EPHA2: variants seen among roughly 807,000 people sequenced by gnomAD.
EPHA2 encodes the protein ephrin type-A receptor 2.
In EPHA2, 54 loss-of-function variants were observed where a neutral mutation model predicts 104.9. The observed-to-expected ratio is 0.51, with a 90% CI of 0.41 to 0.65. The LOEUF (loss-of-function observed/expected upper bound fraction) is 0.65, where lower values mean the gene tolerates loss of function less well. EPHA2 is among the 30% of genes least tolerant of loss of function. EPHA2 has a pLI of 0.00. For synonymous variants in EPHA2, 560 were observed against 559.1 expected (o/e 1.00, Z -0.02); for missense variants, 1,117 against 1,369.5 (o/e 0.82, Z 2.91).
Position 16,125,508 on chromosome 1 carries a change from G to A in EPHA2, c.2826-188C>T, listed in dbSNP as rs1414001045. ...TGGTTAGGTAGGCCTGGGAGAAGGAGCCACAGCCTAGAAGCTTGCCAAGGT... is the reference window on the plus strand; with the variant it reads ...TGGTTAGGTAGGCCTGGGAGAAGGAACCACAGCCTAGAAGCTTGCCAAGGT... On this transcript the variant is annotated intron_variant, in intron 16 of 16. Coordinates refer to ENST00000358432, the MANE Select transcript of EPHA2 (RefSeq NM_004431.5). This position sits in a 1 kb window ranked among gnomAD's most constrained non-coding sequence, Gnocchi z 4.9. Among the ~76,000 whole-genome samples the A allele has an allele frequency of 6.6e-6, 1 of 151,992 alleles. No individual in the cohort carries two copies. Among genetic ancestry groups the A allele is most frequent in the Non-Finnish European group, 1.5e-5 (1 of 67,980 alleles).
intron 3 of EPHA2, among the ~76,000 whole-genome samples, chr1:16,145,246 C>T (rs535109803): frequency 5.4e-4 from 83 of 152,300 alleles, no homozygotes; most frequent in African/African-American, 1.8e-3. Flanking sequence ...GCGGTCAGCC[C>T]GAGCGACTCC....
chr1:16,137,732 G>A, intron 5 of EPHA2, 121 bp downstream of exon 5: 2 of 1,217,010 alleles, frequency 1.6e-6, no homozygotes, highest in Non-Finnish European at 2.3e-6. Context: ...TCTAGACACT[G>A]TGCCTTTAAC....
In EPHA2 at chr1:16,137,858, T is replaced by C. The variant is rs1405892230; in HGVS notation, c.1307A>G (p.Gln436Arg). The stretch of plus-strand genomic sequence containing the variant: ...CTGCCACCCCTGGACCTCACCTGTC[T>C]GGTTGATGCTGACACTGGCAGTACG... ...SFRTASVSINQTEPPKVRLEG... is the reference protein window; with the variant it reads ...SFRTASVSINRTEPPKVRLEG... The change falls in exon 5 of 17, where the codon CAG (glutamine) becomes CGG (arginine). Residue 436 changes from glutamine (Q) to arginine (R), a missense_variant. Gln to Arg is a conservative substitution (Grantham distance 43). Coordinates refer to ENST00000358432, the MANE Select transcript of EPHA2 (RefSeq NM_004431.5). The C allele has an allele frequency of 1.2e-6, 2 of 1,613,622 alleles. No homozygotes were observed. The highest frequency in any genetic ancestry group is 1.3e-5 in the African/African-American group (1 of 74,944).
chr1:16,133,865 T>C lies in EPHA2; in HGVS notation c.1733A>G (p.Lys578Arg), dbSNP rs895175327. ...RQSPEDVYFS[K>R]SEQLKPLKTY... ...GAGCGGGGGCTGCGTCTCACCTGAC[T>C]TGGAGAAGTAAACGTCCTCCGGGGA... Residue 578 changes from lysine (K) to arginine (R), a missense_variant, in exon 9 of 17, where the codon AAG becomes AGG. Physicochemically the swap from Lys to Arg is conservative, Grantham distance 26 (BLOSUM62 2). Coordinates refer to ENST00000358432, the MANE Select transcript of EPHA2 (RefSeq NM_004431.5). 1 of 1,549,292 alleles carries C rather than the reference T, an allele frequency of 6.5e-7. No homozygotes were observed.
intron 3 of EPHA2, among the ~76,000 whole-genome samples, chr1:16,143,653 C>T (rs895875930): frequency 5.3e-5 from 8 of 152,132 alleles, no homozygotes; most frequent in South Asian, 2.1e-4. Context: ...CCTCCCAAGG[C>T]ACAGCCACCT....
rs147977279 is a variant in EPHA2 at position 16,150,928 on chromosome 1, G to C, written c.121C>G (p.Leu41Val). Reference sequence around the variant, plus strand: ...CCATACGGGTGTGTGAGCCAGCCGAGCTCCCCTCCAGCTGCAGCAAAGTCC... The same window carrying C: ...CCATACGGGTGTGTGAGCCAGCCGACCTCCCCTCCAGCTGCAGCAAAGTCC... The part of the protein sequence containing the change: ...LLDFAAAGGE[L>V]GWLTHPYGKG... The change falls in exon 2 of 17, where the codon CTC becomes GTC. Residue 41 changes from leucine (L) to valine (V), a missense_variant. By Grantham distance (32) the Leu-to-Val change is conservative. This residue lies in a region of EPHA2 where 664 missense variants were observed against 784.8 expected (regional missense o/e 0.85). Transcript: ENST00000358432. The surrounding 1 kb of genome is among the most constrained non-coding windows in gnomAD (Gnocchi z 4.8). 1,729 of 1,614,150 alleles carry C rather than the reference G, an allele frequency of 1.1e-3. 25 individuals are homozygous for C. In the South Asian group the frequency reaches 0.013, roughly 12 times the overall value.
chr1:16,125,396 TCGGTGGGCGGCTGGGGAGGGGA>T lies in EPHA2; in HGVS notation c.2826-98_2826-77del. 3.6e-6 allele frequency: 2 copies of T among 552,898 alleles called. No individual in the cohort carries two copies. Among genetic ancestry groups the T allele is most frequent in the Non-Finnish European group, 2.9e-6 (1 of 340,416 alleles). 34.2% of individuals were successfully genotyped at this position (552,898 alleles called of 1,614,324 possible). ...GGGCCGGGCTGGGTGGGGACAGGAC[TCGGTGGGCGGCTGGGGAGGGGA>T]GTGGAGGGAGGCAGAGGAGGAGGGT... On this transcript the variant is annotated intron_variant, in intron 16 of 16. Transcript: ENST00000358432. This position sits in a 1 kb window ranked among gnomAD's most constrained non-coding sequence, Gnocchi z 4.9.
At position 16,130,523 on chromosome 1, in the gene EPHA2, C is replaced by T. The variant is rs1243223097; in HGVS notation, c.2476-104G>A. ...GCAGGGGAGGGGAGGGGAACAGGAA[C>T]ATCCCAGAAACAGACAGGAAGGGCC... On this transcript the variant is annotated intron_variant, in intron 14 of 16. Transcript: ENST00000358432. This position sits in a 1 kb window ranked among gnomAD's most constrained non-coding sequence, Gnocchi z 4.5. 1.7e-6 allele frequency: 2 copies of T among 1,186,786 alleles called. No individual in the cohort carries two copies. The highest frequency in any genetic ancestry group is 2.3e-6 in the Non-Finnish European group (2 of 870,852). The allele number at this position is 1,186,786 out of a possible 1,614,324, so 73.5% of individuals were successfully genotyped here.
chr1:16,137,288 G>A (rs969792170), intron 5 of EPHA2, among the ~76,000 whole-genome samples: 4 of 139,704 alleles, frequency 2.9e-5, no homozygotes, highest in Admixed American at 1.3e-4. Context: ...CTAACAACAG[G>A]TGATGAGCTA....
At position 16,137,882 on chromosome 1, in the gene EPHA2, C is replaced by T. The variant is rs138475231; in HGVS notation, c.1283G>A (p.Arg428His). Residue 428 changes from arginine to histidine, a missense_variant, in exon 5 of 17, where the codon CGT (arginine) becomes CAT (histidine). Physicochemically the swap from Arg to His is conservative, Grantham distance 29. Transcript: ENST00000358432. ...VSGLVTSRSF[R>H]TASVSINQTE... ...CTGGTTGATGCTGACACTGGCAGTA[C>T]GGAAGCTGCGGCTGGTTACCAGGCC... The T allele has an allele frequency of 3.2e-5, 52 of 1,613,890 alleles. No individual in the cohort carries two copies. Among genetic ancestry groups the T allele is most frequent in the Middle Eastern group, 3.3e-4 (2 of 6,060 alleles).
rs777965114 is a variant in EPHA2, at chr1:16,132,290, G to A, written c.2116-17C>T. On this transcript the variant is annotated splice_polypyrimidine_tract_variant and intron_variant, in intron 12 of 16. Transcript: ENST00000358432. ...ATCCTTCTCCTGCCGGAGCACAGGC[G>A]CTCAGCTGCAGGCCAGCCCTGAACC... The A allele has an allele frequency of 1.6e-5, 26 of 1,613,872 alleles. No homozygotes were observed. The highest frequency in any genetic ancestry group is 9.3e-5 in the African/African-American group (7 of 74,928).
intron 5 of EPHA2, among the ~76,000 whole-genome samples, chr1:16,136,772 A>AGAAGAAGAG (rs2024718718): frequency 6.7e-6 from 1 of 150,192 alleles, no homozygotes; most frequent in South Asian, 2.1e-4. Context: ...AAGAAGAAGA[A>AGAAGAAGAG]GAACTAACTT....
chr1:16,133,082 A>G (rs1280211818), intron 11 of EPHA2, 98 bp downstream of exon 11: 2 of 1,502,892 alleles, frequency 1.3e-6, no homozygotes, highest in Non-Finnish European at 1.8e-6. Flanking sequence ...GTGTGGGGGG[A>G]AGGTGGGCAC....
intron 16 of EPHA2, among the ~76,000 whole-genome samples, chr1:16,126,124 G>C (rs897939920): frequency 6.6e-6 from 1 of 152,158 alleles, no homozygotes; most frequent in Non-Finnish European, 1.5e-5. Context: ...GGCAGCATCA[G>C]TACCAGATGG....
At position 16,148,244 on chromosome 1, in the gene EPHA2, C is replaced by T; in HGVS notation, c.823+134G>A. The T allele has an allele frequency of 8.9e-7, 1 of 1,129,680 alleles. No homozygotes were observed. Among genetic ancestry groups the T allele is most frequent in the Non-Finnish European group, 1.3e-6 (1 of 760,874 alleles). 70.0% of individuals were successfully genotyped at this position (1,129,680 alleles called of 1,614,324 possible). ...AAGGAAACTGATGTCTGGGAAGGAT[C>T]TATAATTTCCACTAACAGAACTAAT... On this transcript the variant is annotated intron_variant, in intron 3 of 16. Coordinates refer to ENST00000358432, the MANE Select transcript of EPHA2 (RefSeq NM_004431.5). The surrounding 1 kb of genome is among the most constrained non-coding windows in gnomAD (Gnocchi z 4.9).
intron 3 of EPHA2, among the ~76,000 whole-genome samples, chr1:16,143,207 TAGGGGTGGATGGGTGG>T (rs2024861248): frequency 1.2e-5 from 1 of 81,660 alleles, no homozygotes. Flanking sequence ...TGGATGGATG[TAGGGGTGGATGGGTGG>T]AGGGGTGGAT....
rs754607309 is a variant in EPHA2, at chr1:16,148,835, G to A, written c.366C>T (p.Tyr122=). 1 of 1,614,192 alleles carries A rather than the reference G, an allele frequency of 6.2e-7. No homozygotes were observed. The highest frequency in any genetic ancestry group is 1.7e-5 in the Admixed American group (1 of 60,030). The change falls in exon 3 of 17, where the codon TAC becomes TAT. Residue 122 remains tyrosine, a synonymous_variant. Coordinates refer to ENST00000358432, the MANE Select transcript of EPHA2 (RefSeq NM_004431.5). The surrounding 1 kb of genome is among the most constrained non-coding windows in gnomAD (Gnocchi z 4.9). Reference sequence around the variant, plus strand: ...CGTAGTCCAGGTCCGACTCGGCATAGTAGAGGTTGAAAGTCTCCTTGCAGG... The same window carrying A: ...CGTAGTCCAGGTCCGACTCGGCATAATAGAGGTTGAAAGTCTCCTTGCAGG... ...ASSCKETFNL[Y]YAESDLDYGT...
At chr1:16,145,261 TCCC>T (rs1306698007) in intron 3 of EPHA2, among the ~76,000 whole-genome samples, 1 of 152,078 alleles carries the variant, frequency 6.6e-6, no homozygotes, top group African/African-American at 2.4e-5. Flanking sequence ...GACTCCACTG[TCCC>T]CGCAGGCAGG....
rs1015298936 is a variant in EPHA2, at chr1:16,124,434, G to T, written c.*781C>A. 1 of 152,534 alleles carries T rather than the reference G, an allele frequency of 6.6e-6. No individual in the cohort carries two copies. The highest frequency in any genetic ancestry group is 1.5e-5 in the Non-Finnish European group (1 of 68,028). 9.4% of individuals were successfully genotyped at this position (152,534 alleles called of 1,614,324 possible). Reference sequence around the variant, plus strand: ...TAATAAATTAAGATTCGAAAAAAATGTCCAACAAAACAAAATCTTTAACAC... The same window carrying T: ...TAATAAATTAAGATTCGAAAAAAATTTCCAACAAAACAAAATCTTTAACAC... On this transcript the variant is annotated 3_prime_UTR_variant, in exon 17 of 17. Coordinates refer to ENST00000358432, the MANE Select transcript of EPHA2 (RefSeq NM_004431.5).
Sources: allele counts gnomAD v4.1 joint callset (sites outside exome capture counted in the v4.1 genomes callset), GRCh38; gene constraint gnomAD v4.1.1; regional missense constraint gnomAD v4.1.1; non-coding constraint Gnocchi (gnomAD v3.1); transcripts MANE v1.5; gene names NCBI Gene and HGNC (gene_info 2026-07-23, HGNC 2026-07-21).